CHD8: variants seen among roughly 807,000 people sequenced by gnomAD.
CHD8 encodes the protein ATP-dependent chromatin remodeler CHD8.
Under a neutral mutation model 279.2 loss-of-function variants are expected in CHD8, and 31 were observed. The observed-to-expected ratio is 0.11, with a 90% CI of 0.08 to 0.15. CHD8 has a LOEUF of 0.15. Among genes scored for constraint, CHD8 ranks in the 10% least tolerant of loss-of-function variants. The probability of loss-of-function intolerance (pLI) is 1.00; values close to 1 mark genes in which losing one functional copy is unlikely to be tolerated. For missense variants in CHD8, 2,146 were observed against 3,230.5 expected, an observed-to-expected ratio of 0.66 and a Z score of 8.14; for synonymous variants, 1,081 against 1,139.6, an observed-to-expected ratio of 0.95 and a Z score of 1.04.
intron 1 of CHD8, among the ~76,000 whole-genome samples, chr14:21,442,439 T>C (rs991036332): frequency 1.3e-5 from 2 of 151,790 alleles, no homozygotes; most frequent in Non-Finnish European, 2.9e-5. Flanking sequence ...TACTTTAGCC[T>C]GGGCAATAGA....
In CHD8 at chr14:21,390,064, G is replaced by A. The variant is rs148385264; in HGVS notation, c.7182+883C>T. ...AGCTTGGCCAACGTGGTGAAACCTC[G>A]TCCCTACTAAAAATACAAAGAATTA... is the stretch of plus-strand genomic sequence containing the variant. On this transcript the variant is annotated intron_variant, in intron 37 of 37. Transcript: ENST00000646647. Among the ~76,000 whole-genome samples, 1,281 of 152,076 alleles carry A rather than the reference G, an allele frequency of 8.4e-3. 22 individuals carry two copies. Among genetic ancestry groups the A allele is most frequent in the African/African-American group, 0.029 (1,208 of 41,476 alleles).
chr14:21,437,275 T>G, intron 1 of CHD8: 1 of 1,144,854 alleles, frequency 8.7e-7, no homozygotes, highest in Non-Finnish European at 1.1e-6. Flanking sequence ...CAACCTAACC[T>G]GATGCTCCTG....
Position 21,431,523 on chromosome 14 carries a change from T to C in CHD8, c.121A>G (p.Ser41Gly), listed in dbSNP as rs1285991808. 6.5e-7 allele frequency: 1 copy of C among 1,537,118 alleles called. No homozygotes were observed. The highest frequency in any genetic ancestry group is 8.7e-7 in the Non-Finnish European group (1 of 1,146,900). Reference protein sequence around the residue: ...DPIEEALGLPSSLDSLDQMNQ... With the variant: ...DPIEEALGLPGSLDSLDQMNQ... ...ATCTGATCCAAGGAGTCCAGAGAGC[T>C]TGGCAGTCCAAGGGCTTCCTCAATG... The change falls in exon 2 of 38, where the codon AGC becomes GGC. Residue 41 changes from serine to glycine, a missense_variant. By Grantham distance (56) the Ser-to-Gly change is moderately conservative. Transcript: ENST00000646647.
rs34364818 is a variant in CHD8 at position 21,390,768 on chromosome 14, CAA to C, written c.7182+177_7182+178del. On this transcript the variant is annotated intron_variant, in intron 37 of 37. Transcript: ENST00000646647. The stretch of plus-strand genomic sequence containing the variant: ...ACGACAGCAGAGTGAGACTCCGTCT[CAA>C]AAAAAAAAAAAAAACCCCAGAAAAC... Among the ~76,000 whole-genome samples, 109,630 of 136,404 alleles carry C rather than the reference CAA, an allele frequency of 0.8. 44,285 individuals carry two copies. Among genetic ancestry groups the C allele is most frequent in the Middle Eastern group, 0.9 (237 of 264 alleles). 89.5% of individuals were successfully genotyped at this position (136,404 alleles called of 152,430 possible). A position where few individuals can be genotyped will look rare whatever the true frequency, so the allele number is the denominator to read the frequency against.
chr14:21,399,751 A>G, intron 25 of CHD8, 46 bp from the exon 26 acceptor site: 2 of 1,318,564 alleles, frequency 1.5e-6, no homozygotes, highest in Non-Finnish European at 1.1e-6. Flanking sequence ...GCAGGAAATT[A>G]AAGTGAGAAT....
At chr14:21,437,237 T>C (rs1366828559) in intron 1 of CHD8, 4 of 1,175,816 alleles carry the variant, frequency 3.4e-6, no homozygotes, top group Middle Eastern at 3.9e-4. Context: ...TCCCTGTCTC[T>C]CCAGCACCAG....
intron 10 of CHD8, among the ~76,000 whole-genome samples, chr14:21,412,435 C>T (rs958079385): frequency 1.5e-4 from 23 of 152,236 alleles, no homozygotes; most frequent in African/African-American, 5.5e-4. Flanking sequence ...TGGGCCACCG[C>T]GCCTGGCCAG....
chr14:21,443,247 C>G (rs372152396), intron 1 of CHD8, among the ~76,000 whole-genome samples: 1 of 151,102 alleles, frequency 6.6e-6, no homozygotes, highest in Admixed American at 6.6e-5. Context: ...AAAAATTAGC[C>G]GGGTGTGGTG....
chr14:21,447,182 G>A (rs2139570419), intron 1 of CHD8, among the ~76,000 whole-genome samples: 1 of 152,314 alleles, frequency 6.6e-6, no homozygotes, highest in East Asian at 1.9e-4. Context: ...TTTAGTAGCT[G>A]TAGCAGACAC....
At chr14:21,420,203 A>AC (rs1319358620) in intron 5 of CHD8, among the ~76,000 whole-genome samples, 1 of 152,140 alleles carries the variant, frequency 6.6e-6, no homozygotes, top group Non-Finnish European at 1.5e-5. Flanking sequence ...AAAGGGTGTG[A>AC]CCCCTGCCAG....
intron 4 of CHD8, chr14:21,427,180 A>T: frequency 6.4e-6 from 1 of 156,066 alleles, no homozygotes; most frequent in Non-Finnish European, 1.4e-5. Flanking sequence ...ACCTTGAACT[A>T]TGTAGCTGGT....
At position 21,395,542 on chromosome 14, in the gene CHD8, G is replaced by A. The variant is rs1016133723; in HGVS notation, c.5128-190C>T. ...AGAACAAGAAAGTAGAACCTGAAAG[G>A]TCAGTTCCTATTAACGACTCAAAGA... On this transcript the variant is annotated intron_variant, in intron 28 of 37. Coordinates refer to ENST00000646647, the MANE Select transcript of CHD8 (RefSeq NM_001170629.2). The A allele has an allele frequency of 1.8e-5, 11 of 603,414 alleles. No homozygotes were observed. The Admixed American group carries it at 2.7e-4, about 15-fold the overall frequency. The allele number at this position is 603,414 out of a possible 1,614,324, so 37.4% of individuals were successfully genotyped here.
intron 26 of CHD8, chr14:21,398,932 T>G (rs777251907): frequency 1.1e-5 from 4 of 371,126 alleles, no homozygotes; most frequent in African/African-American, 2.2e-5. Context: ...GAGATGCAGA[T>G]CTCTGTAAAG....
chr14:21,442,458 C>A (rs577814014), intron 1 of CHD8, among the ~76,000 whole-genome samples: 2 of 151,726 alleles, frequency 1.3e-5, no homozygotes, highest in African/African-American at 4.8e-5. Flanking sequence ...GAGTCTGACC[C>A]TGTCTCAAAA....
rs1887174970 is a variant in CHD8, at chr14:21,385,303, A to C, written c.*310T>G. On this transcript the variant is annotated 3_prime_UTR_variant, in exon 38 of 38. Transcript: ENST00000646647. The stretch of plus-strand genomic sequence containing the variant: ...CCAGGAACAGGCTCTGCCAGAGGCT[A>C]GGGCCAGCGCTACATAGTCTGTGGT... The C allele has an allele frequency of 3.4e-5, 11 of 327,348 alleles. No individual in the cohort carries two copies. Among genetic ancestry groups the C allele is most frequent in the East Asian group, 1.7e-4 (3 of 18,060 alleles). The allele number at this position is 327,348 out of a possible 1,614,324, so 20.3% of individuals were successfully genotyped here. A position where few individuals can be genotyped will look rare whatever the true frequency, so the allele number is the denominator to read the frequency against.
chr14:21,441,337 A>C (rs1889955037), intron 1 of CHD8, among the ~76,000 whole-genome samples: 1 of 152,204 alleles, frequency 6.6e-6, no homozygotes. Flanking sequence ...CCTTGCAATA[A>C]ATTTTCTTCC....
intron 1 of CHD8, among the ~76,000 whole-genome samples, chr14:21,435,087 T>C (rs1287124024): frequency 6.6e-6 from 1 of 152,146 alleles, no homozygotes; most frequent in Non-Finnish European, 1.5e-5. Flanking sequence ...GGCCCACCAG[T>C]CCCCAAAAGA....
In CHD8 at chr14:21,403,074, T is replaced by C. The variant is rs755920747; in HGVS notation, c.3657A>G (p.Thr1219=). 3 of 1,614,100 alleles carry C rather than the reference T, an allele frequency of 1.9e-6. No individual in the cohort carries two copies. Among genetic ancestry groups the C allele is most frequent in the Non-Finnish European group, 2.5e-6 (3 of 1,179,928 alleles). ...TRAGGLGINL[T]AADTCIIFDS... is the part of the protein sequence containing the mutation. Reference sequence around the variant, plus strand: ...CAAAGATGATGCAGGTATCAGCAGCTGTAAGATTAATACCAAGTCCACCAG... The same window carrying C: ...CAAAGATGATGCAGGTATCAGCAGCCGTAAGATTAATACCAAGTCCACCAG... Residue 1219 remains threonine (T), a synonymous_variant, in exon 18 of 38, where the codon ACA becomes ACG. Coordinates refer to ENST00000646647, the MANE Select transcript of CHD8 (RefSeq NM_001170629.2). The surrounding 1 kb of genome is among the most constrained non-coding windows in gnomAD (Gnocchi z 4.3).
At chr14:21,392,871 G>T in intron 33 of CHD8, 62 bp from the exon 34 acceptor site, 1 of 1,514,854 alleles carries the variant, frequency 6.6e-7, no homozygotes, top group Non-Finnish European at 9.1e-7. Flanking sequence ...GTGATCCTGT[G>T]ATACTCAATA....
Sources: gnomAD v4.1 joint callset for allele counts (sites outside exome capture counted in the v4.1 genomes callset) on GRCh38, gnomAD v4.1.1 for gene constraint, Gnocchi (gnomAD v3.1) non-coding constraint, MANE v1.5 for transcripts, NCBI Gene and HGNC (gene_info 2026-07-23, HGNC 2026-07-21) for gene names.